Variants in NSMCE2 observed in about 807,000 individuals in gnomAD.
The protein encoded by NSMCE2 is E3 SUMO-protein ligase NSE2.
A neutral mutation model predicts 23.8 loss-of-function variants in NSMCE2; 24 were observed. That is an observed-to-expected ratio of 1.01 (90% confidence interval 0.73 to 1.42). The LOEUF (loss-of-function observed/expected upper bound fraction) is 1.42, where lower values mean the gene tolerates loss of function less well. Among genes scored for constraint, NSMCE2 ranks in the 40% most tolerant of loss-of-function variants. The pLI, the probability that NSMCE2 is intolerant of heterozygous loss-of-function variation, is 0.00. For synonymous variants in NSMCE2, 92 were observed against 94.1 expected, an observed-to-expected ratio of 0.98 and a Z score of 0.13; for missense variants, 284 against 296.5, an observed-to-expected ratio of 0.96 and a Z score of 0.31.
At chr8:125,107,296 C>A (rs1032875174) in intron 3 of NSMCE2, among the ~76,000 whole-genome samples, 20 of 149,082 alleles carry the variant, frequency 1.3e-4, no homozygotes, top group African/African-American at 4.7e-4. Context: ...AAGCTATTCT[C>A]CTGCCTCAGC....
intron 5 of NSMCE2, among the ~76,000 whole-genome samples, chr8:125,353,740 G>T (rs1182062244): frequency 1.3e-5 from 2 of 151,746 alleles, no homozygotes; most frequent in African/African-American, 4.8e-5. Context: ...AAAATTAGCT[G>T]GGCCTGGTGG....
intron 5 of NSMCE2, among the ~76,000 whole-genome samples, chr8:125,261,530 AC>A (rs36067888): frequency 0.56 from 84,977 of 151,986 alleles, 26,032 homozygotes; most frequent in Admixed American, 0.69. Context: ...GATTCAGCAC[AC>A]TTCAGGCATT....
chr8:125,322,414 A>G (rs1829493886), intron 5 of NSMCE2, among the ~76,000 whole-genome samples: 3 of 152,232 alleles, frequency 2.0e-5, no homozygotes, highest in Admixed American at 2.0e-4. Flanking sequence ...CATTTGACAA[A>G]ATCCAATACT....
rs978696333 is a variant in NSMCE2 at position 125,366,624 on chromosome 8, G to A, written c.627-144G>A. ...GGCCTGGCTCAGGTAGGGACTCAGT[G>A]AATAAATGAATGAGCACAGCTTGGT... On this transcript the variant is annotated intron_variant, in intron 7 of 7. Coordinates refer to ENST00000287437, the MANE Select transcript of NSMCE2 (RefSeq NM_173685.4). The A allele has an allele frequency of 4.5e-5, 29 of 637,366 alleles. 3 individuals carry two copies. The South Asian group carries it at 4.8e-4, about 11-fold the overall frequency. 39.5% of individuals were successfully genotyped at this position (637,366 alleles called of 1,614,324 possible). A position where few individuals can be genotyped will look rare whatever the true frequency, so the allele number is the denominator to read the frequency against.
At chr8:125,276,838 C>G (rs1827467505) in intron 5 of NSMCE2, among the ~76,000 whole-genome samples, 1 of 152,198 alleles carries the variant, frequency 6.6e-6, no homozygotes, top group African/African-American at 2.4e-5. Context: ...TTTTCACTGA[C>G]CTGCCAAATG....
At chr8:125,172,505 C>G (rs947209518) in intron 4 of NSMCE2, among the ~76,000 whole-genome samples, 1 of 152,064 alleles carries the variant, frequency 6.6e-6, no homozygotes, top group Non-Finnish European at 1.5e-5. Flanking sequence ...TTTCTAAAAG[C>G]GAAAAATATG....
chr8:125,297,833 CA>C lies in NSMCE2; in HGVS notation c.419-59376del, dbSNP rs35135540. On this transcript the variant is annotated intron_variant, in intron 5 of 7. Coordinates refer to ENST00000287437, the MANE Select transcript of NSMCE2 (RefSeq NM_173685.4). ...CCATCAACAGAGTGAGACTCTGTCTCAAAAAAAAAATTATTGATTACTTTTA... is the reference window on the plus strand; with the variant it reads ...CCATCAACAGAGTGAGACTCTGTCTCAAAAAAAAATTATTGATTACTTTTA... Among the ~76,000 whole-genome samples the C allele has an allele frequency of 2.1e-3, 306 of 147,074 alleles. 1 individual carries two copies. Among genetic ancestry groups the C allele is most frequent in the African/African-American group, 7.4e-3 (298 of 40,018 alleles).
intron 5 of NSMCE2, among the ~76,000 whole-genome samples, chr8:125,336,762 C>T (rs185764510): frequency 6.6e-6 from 1 of 152,364 alleles, no homozygotes; most frequent in Admixed American, 6.5e-5. Context: ...AAATTCTTTG[C>T]AAGCACTTCT....
intron 5 of NSMCE2, among the ~76,000 whole-genome samples, chr8:125,263,330 T>C (rs2131056931): frequency 6.6e-6 from 1 of 152,304 alleles, no homozygotes; most frequent in Non-Finnish European, 1.5e-5. Context: ...CTCTTAGACG[T>C]TGGAATACTC....
intron 5 of NSMCE2, among the ~76,000 whole-genome samples, chr8:125,289,396 G>C (rs927874090): frequency 6.6e-6 from 1 of 152,166 alleles, no homozygotes; most frequent in Admixed American, 6.5e-5. Context: ...CTCTGTCTCT[G>C]CTCTCAGTCT....
chr8:125,173,199 A>C (rs1822307858), intron 4 of NSMCE2, among the ~76,000 whole-genome samples: 1 of 152,172 alleles, frequency 6.6e-6, no homozygotes, highest in Non-Finnish European at 1.5e-5. Context: ...TAAGCTTCCA[A>C]ATCAGTGGAG....
chr8:125,148,152 A>G (rs937500129), intron 3 of NSMCE2, among the ~76,000 whole-genome samples: 2 of 152,086 alleles, frequency 1.3e-5, no homozygotes, highest in Admixed American at 1.3e-4. Flanking sequence ...AGTGTTCTTC[A>G]GCAGCTTGTC....
chr8:125,198,954 G>T (rs1423967640), intron 5 of NSMCE2, among the ~76,000 whole-genome samples: 2 of 152,144 alleles, frequency 1.3e-5, no homozygotes, highest in African/African-American at 4.8e-5. Context: ...ATTTCTTCTA[G>T]ATTTTCTAGT....
intron 5 of NSMCE2, among the ~76,000 whole-genome samples, chr8:125,294,662 T>C (rs1828252763): frequency 6.6e-6 from 1 of 152,224 alleles, no homozygotes; most frequent in African/African-American, 2.4e-5. Flanking sequence ...AACAAAACCA[T>C]AGTTCTTTAC....
chr8:125,333,664 G>T (rs544827836), intron 5 of NSMCE2, among the ~76,000 whole-genome samples: 1 of 151,126 alleles, frequency 6.6e-6, no homozygotes, highest in Non-Finnish European at 1.5e-5. Context: ...ACAGGCGCCC[G>T]CCACTACGCC....
chr8:125,351,206 G>A (rs1472642692), intron 5 of NSMCE2, among the ~76,000 whole-genome samples: 2 of 152,116 alleles, frequency 1.3e-5, no homozygotes, highest in Non-Finnish European at 2.9e-5. Context: ...CACAAAAATT[G>A]GGAACTTACA....
At chr8:125,201,977 C>T (rs1055348399) in intron 5 of NSMCE2, among the ~76,000 whole-genome samples, 2 of 152,204 alleles carry the variant, frequency 1.3e-5, no homozygotes, top group African/African-American at 4.8e-5. Context: ...CAGGCTGCTG[C>T]GCTAGCAGTG....
rs534086641 is a variant in NSMCE2, at chr8:125,196,562, T to C, written c.418+14306T>C. Among the ~76,000 whole-genome samples, 7 of 152,360 alleles carry C rather than the reference T, an allele frequency of 4.6e-5. No homozygotes were observed. The East Asian group carries it at 1.3e-3, about 29-fold the overall frequency. On this transcript the variant is annotated intron_variant, in intron 5 of 7. Coordinates refer to ENST00000287437, the MANE Select transcript of NSMCE2 (RefSeq NM_173685.4). ...CCTTTTATGGCTGCATAGTATTCCA[T>C]GGTGTATATGTGCCACATTTTCTTA...
intron 5 of NSMCE2, among the ~76,000 whole-genome samples, chr8:125,258,142 A>C (rs971735891): frequency 2.0e-5 from 3 of 152,188 alleles, no homozygotes; most frequent in Non-Finnish European, 4.4e-5. Context: ...ATAGATGTAA[A>C]TAGTTTTATA....
Sources: allele counts gnomAD v4.1 joint callset (sites outside exome capture counted in the v4.1 genomes callset), GRCh38; gene constraint gnomAD v4.1.1; transcripts MANE v1.5; gene names NCBI Gene and HGNC (gene_info 2026-07-23, HGNC 2026-07-21).